RNGTT: variants seen among roughly 807,000 people sequenced by gnomAD.
RNGTT encodes mRNA-capping enzyme.
A neutral mutation model predicts 79.3 loss-of-function variants in RNGTT; 33 were observed. The ratio of observed to expected loss-of-function variants is 0.42; its 90% CI spans 0.32 to 0.56. RNGTT has a LOEUF of 0.56. Among genes scored for constraint, RNGTT ranks in the 20% least tolerant of loss-of-function variants. RNGTT has a pLI of 0.17. For synonymous variants in RNGTT, 222 were observed against 235.9 expected (o/e 0.94, Z 0.54); for missense variants, 497 against 739.1 (o/e 0.67, Z 3.80).
At chr6:88,774,898 G>A (rs1349896491) in intron 12 of RNGTT, among the ~76,000 whole-genome samples, 2 of 152,098 alleles carry the variant, frequency 1.3e-5, no homozygotes, top group African/African-American at 4.8e-5. Flanking sequence ...GACAGTGGAG[G>A]TGGTTGTACA....
At chr6:88,754,734 AC>A (rs1343146293) in intron 13 of RNGTT, among the ~76,000 whole-genome samples, 1 of 152,200 alleles carries the variant, frequency 6.6e-6, no homozygotes, top group African/African-American at 2.4e-5. Flanking sequence ...GAGGAAAACC[AC>A]TTAAAGGCGT....
chr6:88,915,190 A>G (rs1783959890), intron 4 of RNGTT, among the ~76,000 whole-genome samples: 1 of 152,240 alleles, frequency 6.6e-6, no homozygotes, highest in Admixed American at 6.5e-5. Context: ...TAGTTTAGTC[A>G]CTGTGGAAAG....
chr6:88,711,348 C>T (rs759378434), intron 13 of RNGTT, among the ~76,000 whole-genome samples: 2 of 152,108 alleles, frequency 1.3e-5, no homozygotes, highest in Admixed American at 6.5e-5. Flanking sequence ...TTATACAATC[C>T]AGTCTATTTG....
chr6:88,863,363 A>T (rs1782072511), intron 8 of RNGTT, among the ~76,000 whole-genome samples: 1 of 152,206 alleles, frequency 6.6e-6, no homozygotes, highest in Non-Finnish European at 1.5e-5. Context: ...TTATCTAAAC[A>T]GTTTAATCTT....
chr6:88,817,131 A>G (rs1780337443), intron 11 of RNGTT, among the ~76,000 whole-genome samples: 1 of 152,198 alleles, frequency 6.6e-6, no homozygotes, highest in African/African-American at 2.4e-5. Context: ...ACTCTGGTCT[A>G]GCGTATGTAA....
chr6:88,764,213 T>A (rs1489456832), intron 13 of RNGTT, among the ~76,000 whole-genome samples: 4 of 152,218 alleles, frequency 2.6e-5, no homozygotes, highest in African/African-American at 9.6e-5. Context: ...GACTTTTTCA[T>A]CTCTTCAGTT....
intron 6 of RNGTT, among the ~76,000 whole-genome samples, chr6:88,900,522 T>C (rs1783413284): frequency 6.8e-6 from 1 of 147,196 alleles, no homozygotes; most frequent in Non-Finnish European, 1.5e-5. Context: ...TCACCTGAGG[T>C]CAGGAGATCC....
rs7768858 is a variant in RNGTT, at chr6:88,636,859, C to T, written c.1507-22464G>A. On this transcript the variant is annotated intron_variant, in intron 14 of 15. Coordinates refer to ENST00000369485, the MANE Select transcript of RNGTT (RefSeq NM_003800.5). ...GGACAATTCTATCTAGTATCTTCCT[C>T]ATCTTGCTACATTACTGAGAAAATT... is the stretch of plus-strand genomic sequence containing the variant. 2.1e-3 allele frequency among the ~76,000 whole-genome samples: 319 copies of T among 151,868 alleles called. 1 individual carries two copies. The highest frequency in any genetic ancestry group is 7.5e-3 in the African/African-American group (311 of 41,418).
At chr6:88,803,200 C>T (rs896490348) in intron 11 of RNGTT, among the ~76,000 whole-genome samples, 16 of 152,000 alleles carry the variant, frequency 1.1e-4, no homozygotes, top group African/African-American at 3.6e-4. Context: ...TTTTAATGTT[C>T]CTTTCTGACA....
At chr6:88,729,685 T>A (rs180866723) in intron 13 of RNGTT, among the ~76,000 whole-genome samples, 1 of 152,344 alleles carries the variant, frequency 6.6e-6, no homozygotes, top group East Asian at 1.9e-4. Context: ...GGGAAAATTG[T>A]GATAGGCTTA....
At chr6:88,638,304 A>G (rs924275619) in intron 14 of RNGTT, among the ~76,000 whole-genome samples, 1 of 152,172 alleles carries the variant, frequency 6.6e-6, no homozygotes, top group African/African-American at 2.4e-5. Context: ...ATTACTTTTT[A>G]GACGTGATTG....
intron 6 of RNGTT, among the ~76,000 whole-genome samples, chr6:88,898,215 G>A (rs1783318580): frequency 6.6e-6 from 1 of 152,096 alleles, no homozygotes; most frequent in Admixed American, 6.6e-5. Flanking sequence ...GTCTGACCCA[G>A]CCCTACTGCA....
Position 88,713,743 on chromosome 6 carries a change from A to T in RNGTT, c.1440-35324T>A, listed in dbSNP as rs9451058. On this transcript the variant is annotated intron_variant, in intron 13 of 15. Transcript: ENST00000369485. ...TTTCTTAACAAGAAAATATTTTTTT[A>T]AAATTATTGTCTTGTATTACGGGCT... Among the ~76,000 whole-genome samples, 1,200 of 152,260 alleles carry T rather than the reference A, an allele frequency of 7.9e-3. 8 individuals are homozygous for T. Among genetic ancestry groups the T allele is most frequent in the African/African-American group, 0.027 (1,110 of 41,560 alleles).
intron 4 of RNGTT, among the ~76,000 whole-genome samples, chr6:88,924,284 C>A (rs925263023): frequency 2.6e-5 from 4 of 152,144 alleles, no homozygotes; most frequent in African/African-American, 4.8e-5. Flanking sequence ...CCAGCATGTA[C>A]TTTAATTTGT....
intron 13 of RNGTT, among the ~76,000 whole-genome samples, chr6:88,685,506 T>C (rs1775242923): frequency 6.9e-6 from 1 of 144,790 alleles, no homozygotes; most frequent in African/African-American, 2.6e-5. Flanking sequence ...AAACATACAA[T>C]ATAGGCCAAC....
intron 13 of RNGTT, among the ~76,000 whole-genome samples, chr6:88,759,266 G>A (rs1320647147): frequency 1.3e-5 from 2 of 152,172 alleles, no homozygotes; most frequent in African/African-American, 4.8e-5. Flanking sequence ...CATTGTTTTT[G>A]TTGGGTTGGG....
intron 8 of RNGTT, among the ~76,000 whole-genome samples, chr6:88,887,496 C>T (rs1782905313): frequency 6.6e-6 from 1 of 152,024 alleles, no homozygotes; most frequent in Admixed American, 6.6e-5. Flanking sequence ...TTTTTCTCTC[C>T]CAGAAAAAAG....
chr6:88,658,846 T>C (rs553973454), intron 14 of RNGTT, among the ~76,000 whole-genome samples: 2 of 152,368 alleles, frequency 1.3e-5, no homozygotes, highest in Non-Finnish European at 2.9e-5. Flanking sequence ...CTTCAGCTTT[T>C]AGACTCTTGG....
intron 4 of RNGTT, among the ~76,000 whole-genome samples, chr6:88,926,775 C>T (rs1313017329): frequency 6.6e-6 from 1 of 152,094 alleles, no homozygotes; most frequent in African/African-American, 2.4e-5. Context: ...ATACTATCTA[C>T]CTAATATAAT....
Sources: allele counts gnomAD v4.1 joint callset (sites outside exome capture counted in the v4.1 genomes callset), GRCh38; gene constraint gnomAD v4.1.1; transcripts MANE v1.5; gene names NCBI Gene and HGNC (gene_info 2026-07-23, HGNC 2026-07-21).